The following KIAA0930 variants were observed in gnomAD, a reference collection of about 807,000 sequenced individuals.
KIAA0930 encodes the protein uncharacterized protein KIAA0930.
KIAA0930 carries 24 observed loss-of-function variants against 43.9 expected under a neutral mutation model. The observed-to-expected ratio is 0.55, with a 90% CI of 0.40 to 0.77. The LOEUF is 0.77. Among genes scored for constraint, KIAA0930 ranks in the 30% least tolerant of loss-of-function variants. The pLI, the probability that KIAA0930 is intolerant of heterozygous loss-of-function variation, is 0.00. For missense variants in KIAA0930, 461 were observed against 574.2 expected (o/e 0.80, Z 2.02); for synonymous variants, 259 against 216.4 (o/e 1.20, Z -1.73).
chr22:45,197,217 C>T lies in KIAA0930; in HGVS notation c.1175-1G>A. The T allele has an allele frequency of 1.9e-6, 3 of 1,550,366 alleles. No individual in the cohort carries two copies. The highest frequency in any genetic ancestry group is 2.6e-6 in the Non-Finnish European group (3 of 1,146,354). On this transcript the variant is annotated splice_acceptor_variant, in intron 9 of 9. Coordinates refer to ENST00000336156, the MANE Select transcript of KIAA0930 (RefSeq NM_001009880.2). LOFTEE classifies it high-confidence loss of function. ...GGCTTCTGCCGAACTTCCAGGATGT[C>T]TAGGGCCGGCAGGAGGGAAGCAGGT...
chr22:45,205,212 C>G lies in KIAA0930; in HGVS notation c.516+5G>C. ...CTAAGGAGAGAGGCCCTGTGCAGAG[C>G]TCACCTCCTCGAAGCTGTCAATCAT... On this transcript the variant is annotated splice_donor_5th_base_variant and intron_variant, in intron 5 of 9. Coordinates refer to ENST00000336156, the MANE Select transcript of KIAA0930 (RefSeq NM_001009880.2). 1 of 1,610,260 alleles carries G rather than the reference C, an allele frequency of 6.2e-7. No individual in the cohort carries two copies. Among genetic ancestry groups the G allele is most frequent in the Non-Finnish European group, 8.5e-7 (1 of 1,176,436 alleles).
chr22:45,216,921 T>G (rs905300379), intron 1 of KIAA0930, among the ~76,000 whole-genome samples: 1 of 152,146 alleles, frequency 6.6e-6, no homozygotes, highest in African/African-American at 2.4e-5. Context: ...TAATCCATTC[T>G]CCTGATTTGA....
intron 1 of KIAA0930, among the ~76,000 whole-genome samples, chr22:45,225,902 G>C (rs1273718961): frequency 2.0e-5 from 3 of 152,230 alleles, no homozygotes; most frequent in Non-Finnish European, 2.9e-5. Context: ...CGAGCGCCTG[G>C]TCTGCAGTCA....
At chr22:45,212,586 C>T (rs2083704898) in intron 1 of KIAA0930, 1 of 1,375,540 alleles carries the variant, frequency 7.3e-7, no homozygotes, top group African/African-American at 1.5e-5. Flanking sequence ...GGGACAGCCG[C>T]CCTCCAGCCA....
rs79334392 is a variant in KIAA0930 at position 45,226,100 on chromosome 22, C to G, written c.65-13993G>C. ...GAACGACAAGAAACACAGGACGTGC[C>G]GAGCCCTGTCCTCGGTGCGTTCAGA... On this transcript the variant is annotated intron_variant, in intron 1 of 9. Transcript: ENST00000336156. 15 of 380,882 alleles carry G rather than the reference C, an allele frequency of 3.9e-5. No homozygotes were observed. In the East Asian group the frequency reaches 6.7e-4, roughly 17 times the overall value. The allele number at this position is 380,882 out of a possible 1,614,324, so 23.6% of individuals were successfully genotyped here.
At chr22:45,227,005 G>A (rs575051875) in intron 1 of KIAA0930, 1 of 153,198 alleles carries the variant, frequency 6.5e-6, no homozygotes, top group East Asian at 1.9e-4. Flanking sequence ...AACCCTGGCA[G>A]AGGAACTCAG....
chr22:45,231,597 A>AT (rs2083853978), intron 1 of KIAA0930, among the ~76,000 whole-genome samples: 1 of 152,142 alleles, frequency 6.6e-6, no homozygotes, highest in South Asian at 2.1e-4. Context: ...TCAGCACTGC[A>AT]TTTCCAGGGT....
intron 7 of KIAA0930, 40 bp from the exon 8 acceptor site, chr22:45,200,075 G>A (rs2083573755): frequency 2.6e-6 from 4 of 1,547,074 alleles, no homozygotes; most frequent in Admixed American, 4.0e-5. Context: ...TAGCAGAACA[G>A]CCCCCTCCCC....
Position 45,228,033 on chromosome 22 carries a change from G to A in KIAA0930, c.64+12607C>T, listed in dbSNP as rs545850336. ...CAGCACCGGCCAATGCAGACAATCCGTGGGCTGGCAGGAGGGACCTGCAGA... is the reference window on the plus strand; with the variant it reads ...CAGCACCGGCCAATGCAGACAATCCATGGGCTGGCAGGAGGGACCTGCAGA... On this transcript the variant is annotated intron_variant, in intron 1 of 9. Coordinates refer to ENST00000336156, the MANE Select transcript of KIAA0930 (RefSeq NM_001009880.2). 3.3e-5 allele frequency among the ~76,000 whole-genome samples: 5 copies of A among 152,346 alleles called. No homozygotes were observed. The East Asian group carries it at 7.7e-4, about 23-fold the overall frequency.
At chr22:45,216,791 C>T (rs375706642) in intron 1 of KIAA0930, among the ~76,000 whole-genome samples, 4 of 152,066 alleles carry the variant, frequency 2.6e-5, no homozygotes, top group Admixed American at 6.5e-5. Flanking sequence ...TGGAGACTTA[C>T]GGAAGCAGAT....
intron 2 of KIAA0930, among the ~76,000 whole-genome samples, chr22:45,210,695 T>G (rs2083684805): frequency 6.6e-6 from 1 of 152,220 alleles, no homozygotes; most frequent in East Asian, 1.9e-4. Context: ...CAGAAGGTTC[T>G]TACTCGGGGA....
At chr22:45,210,743 G>T (rs945389975) in intron 2 of KIAA0930, among the ~76,000 whole-genome samples, 12 of 56,974 alleles carry the variant, frequency 2.1e-4, no homozygotes, top group African/African-American at 8.9e-4. Context: ...ATCCCTCCCA[G>T]AAAGCATTCC....
At chr22:45,225,395 C>T (rs1342033196) in intron 1 of KIAA0930, among the ~76,000 whole-genome samples, 2 of 152,160 alleles carry the variant, frequency 1.3e-5, no homozygotes, top group Non-Finnish European at 2.9e-5. Flanking sequence ...AGCGTGGGGT[C>T]TCCACGTTGC....
Position 45,226,674 on chromosome 22 carries a change from T to TA in KIAA0930, c.64+13965dup, listed in dbSNP as rs1401341644. On this transcript the variant is annotated intron_variant, in intron 1 of 9. Transcript: ENST00000336156. Reference sequence around the variant, plus strand: ...CTCACAGGGGCCTTATCCAAGATCCTAACTCACTGCTCTGCTCAGACACAG... The same window carrying TA: ...CTCACAGGGGCCTTATCCAAGATCCTAAACTCACTGCTCTGCTCAGACACAG... The TA allele has an allele frequency of 1.4e-5, 3 of 210,730 alleles. No homozygotes were observed. In the Admixed American group the frequency reaches 1.5e-4, roughly 11 times the overall value. 13.1% of individuals were successfully genotyped at this position (210,730 alleles called of 1,614,324 possible). A position where few individuals can be genotyped will look rare whatever the true frequency, so the allele number is the denominator to read the frequency against.
At chr22:45,226,389 G>A (rs1034934782) in intron 1 of KIAA0930, 1 of 465,398 alleles carries the variant, frequency 2.1e-6, no homozygotes, top group South Asian at 1.6e-5. Flanking sequence ...AGGTCCTAGG[G>A]GACAAAGGGG....
chr22:45,203,813 G>C, intron 6 of KIAA0930, 32 bp downstream of exon 6: 2 of 1,609,626 alleles, frequency 1.2e-6, no homozygotes, highest in South Asian at 1.1e-5. Flanking sequence ...CCCGGGCCCA[G>C]AAGAACACCC....
Position 45,211,994 on chromosome 22 carries a change from C to A in KIAA0930, c.178G>T (p.Ala60Ser), listed in dbSNP as rs777721129. 6 of 1,613,342 alleles carry A rather than the reference C, an allele frequency of 3.7e-6. No individual in the cohort carries two copies. In the South Asian group the frequency reaches 6.6e-5, roughly 18 times the overall value. ...GCACCGCTTTCGCTGCCGGAGTACG[C>A]CAGCTTCCGGCGCACATAGAAAAGC... ...DMLFYVRRKL[A>S]YSGSESGADG... The change falls in exon 2 of 10, where the codon GCG becomes TCG. Residue 60 changes from alanine (A) to serine (S), a missense_variant. Physicochemically the swap from Ala to Ser is moderately conservative, Grantham distance 99. Transcript: ENST00000336156.
chr22:45,210,491 G>A (rs1206271361), intron 2 of KIAA0930, among the ~76,000 whole-genome samples: 1 of 152,134 alleles, frequency 6.6e-6, no homozygotes, highest in African/African-American at 2.4e-5. Flanking sequence ...AGCCTCCCAG[G>A]TGTCCAGAAT....
At chr22:45,209,142 T>C (rs978778449) in intron 2 of KIAA0930, among the ~76,000 whole-genome samples, 1 of 152,146 alleles carries the variant, frequency 6.6e-6, no homozygotes. Flanking sequence ...CTGCAGCTCC[T>C]GCCCATCCAC....
Sources: gnomAD v4.1 joint callset for allele counts (sites outside exome capture counted in the v4.1 genomes callset) on GRCh38, gnomAD v4.1.1 for gene constraint, MANE v1.5 for transcripts, NCBI Gene and HGNC (gene_info 2026-07-23, HGNC 2026-07-21) for gene names.